The following STRN3 variants were observed in gnomAD, a reference collection of about 807,000 sequenced individuals.
STRN3 encodes striatin 3, also known as striatin-3.
STRN3 carries 29 observed loss-of-function variants against 95.6 expected under a neutral mutation model. The ratio of observed to expected loss-of-function variants is 0.30; its 90% CI spans 0.23 to 0.41. The LOEUF is 0.41. Among genes scored for constraint, STRN3 ranks in the 10% least tolerant of loss-of-function variants. STRN3 has a pLI of 1.00. For missense variants in STRN3, 890 were observed against 972.1 expected, an observed-to-expected ratio of 0.92 and a Z score of 1.12; for synonymous variants, 331 against 357.6, an observed-to-expected ratio of 0.93 and a Z score of 0.84.
chr14:30,974,925 C>A lies in STRN3; in HGVS notation c.283-18683G>T, dbSNP rs577026873. Among the ~76,000 whole-genome samples, 3 of 151,724 alleles carry A rather than the reference C, an allele frequency of 2.0e-5. No individual in the cohort carries two copies. The South Asian group carries it at 6.3e-4, about 32-fold the overall frequency. ...TTGCTTGACACAGAGTTGCCACAAA[C>A]CTTCAAATTGTAAAAAACTCAGTAT... On this transcript the variant is annotated intron_variant, in intron 1 of 17. Transcript: ENST00000357479.
At chr14:30,945,972 AT>A (rs966477745) in intron 5 of STRN3, among the ~76,000 whole-genome samples, 20 of 152,106 alleles carry the variant, frequency 1.3e-4, no homozygotes, top group Non-Finnish European at 2.2e-4. Flanking sequence ...ATTAAATCGT[AT>A]TTTTTTAATG....
At chr14:30,989,439 A>T (rs1333614487) in intron 1 of STRN3, among the ~76,000 whole-genome samples, 2 of 152,138 alleles carry the variant, frequency 1.3e-5, no homozygotes, top group African/African-American at 4.8e-5. Context: ...GCAACAAAAC[A>T]GTCATTTAAA....
At chr14:31,025,451 A>T (rs1386137891) in intron 1 of STRN3, 1 of 144,390 alleles carries the variant, frequency 6.9e-6, no homozygotes, top group Non-Finnish European at 1.4e-5. Context: ...GCCAAATCGG[A>T]AAGGGGGGTG....
chr14:30,992,983 T>C (rs1404269886), intron 1 of STRN3, among the ~76,000 whole-genome samples: 1 of 152,178 alleles, frequency 6.6e-6, no homozygotes, highest in African/African-American at 2.4e-5. Flanking sequence ...TGTGCCATTG[T>C]TCCCAGCTAG....
intron 5 of STRN3, among the ~76,000 whole-genome samples, chr14:30,939,954 T>C (rs1046320234): frequency 4.6e-5 from 7 of 152,160 alleles, no homozygotes; most frequent in Non-Finnish European, 7.4e-5. Flanking sequence ...TATTAGTATG[T>C]CCATGTAAAT....
chr14:30,943,925 A>G (rs1188712673), intron 5 of STRN3, among the ~76,000 whole-genome samples: 1 of 152,076 alleles, frequency 6.6e-6, no homozygotes, highest in African/African-American at 2.4e-5. Context: ...TTCCAGTCAT[A>G]CCAGATGAAA....
At chr14:31,002,166 C>CA (rs757001835) in intron 1 of STRN3, among the ~76,000 whole-genome samples, 2,137 of 19,180 alleles carry the variant, frequency 0.11, 488 homozygotes, top group East Asian at 0.3. Flanking sequence ...AATTCCATCT[C>CA]AAAAAAAAAA....
chr14:31,025,826 TGAGTG>T, intron 1 of STRN3, 73 bp downstream of exon 1: 3 of 1,534,128 alleles, frequency 2.0e-6, no homozygotes, highest in Non-Finnish European at 2.6e-6. Context: ...CGGCTCCGGC[TGAGTG>T]GAGTCCCCAG....
rs1883357044 is a variant in STRN3 at position 31,018,631 on chromosome 14, G to A, written c.282+7273C>T. On this transcript the variant is annotated intron_variant, in intron 1 of 17. Coordinates refer to ENST00000357479, the MANE Select transcript of STRN3 (RefSeq NM_001083893.2). The stretch of plus-strand genomic sequence containing the variant: ...AGCAGACCACAGAGCTCAAAGAAGA[G>A]TGCAAGAACTTTGCGGACAAAACTG... 3 of 496,884 alleles carry A rather than the reference G, an allele frequency of 6.0e-6. No individual in the cohort carries two copies. In the Admixed American group the frequency reaches 6.5e-5, roughly 11 times the overall value. The allele number at this position is 496,884 out of a possible 1,614,324, so 30.8% of individuals were successfully genotyped here.
chr14:30,902,470 A>T, intron 16 of STRN3, 66 bp downstream of exon 16: 1 of 1,122,628 alleles, frequency 8.9e-7, no homozygotes. Flanking sequence ...ATCTTACATA[A>T]AACAGCATTT....
intron 1 of STRN3, among the ~76,000 whole-genome samples, chr14:30,960,895 A>AT (rs1880168304): frequency 3.3e-4 from 49 of 150,596 alleles, no homozygotes; most frequent in Non-Finnish European, 4.7e-4. Context: ...AAAAAATAGA[A>AT]AGAAAAGAAA....
intron 8 of STRN3, among the ~76,000 whole-genome samples, chr14:30,927,867 A>C (rs903132204): frequency 1.4e-5 from 2 of 138,418 alleles, no homozygotes; most frequent in African/African-American, 5.4e-5. Flanking sequence ...CGGGAGGCAG[A>C]GGTTGCAGTG....
chr14:30,924,260 C>T (rs1208071067), intron 8 of STRN3, among the ~76,000 whole-genome samples: 1 of 143,834 alleles, frequency 7.0e-6, no homozygotes, highest in Non-Finnish European at 1.5e-5. Flanking sequence ...AAAAACATGG[C>T]CAGGTACAAT....
chr14:31,015,135 A>G (rs1883181484), intron 1 of STRN3, among the ~76,000 whole-genome samples: 2 of 152,064 alleles, frequency 1.3e-5, no homozygotes, highest in African/African-American at 2.4e-5. Context: ...CCAGCCTCAC[A>G]CCCACTTTTA....
At chr14:30,991,159 T>G (rs949159561) in intron 1 of STRN3, among the ~76,000 whole-genome samples, 1 of 152,214 alleles carries the variant, frequency 6.6e-6, no homozygotes, top group African/African-American at 2.4e-5. Context: ...ACCATTTGGT[T>G]TGAAGTTCCT....
Position 30,995,038 on chromosome 14 carries a change from T to A in STRN3, c.282+30866A>T, listed in dbSNP as rs527826174. On this transcript the variant is annotated intron_variant, in intron 1 of 17. Coordinates refer to ENST00000357479, the MANE Select transcript of STRN3 (RefSeq NM_001083893.2). ...TATGTTTAAGATAAAATACTAAATG[T>A]TTAAGTGCCAGAGCACTTTCAGATC... Among the ~76,000 whole-genome samples, 8 of 152,342 alleles carry A rather than the reference T, an allele frequency of 5.3e-5. No homozygotes were observed. The East Asian group carries it at 1.5e-3, about 29-fold the overall frequency.
At chr14:30,897,351 G>A (rs1223600214) in intron 16 of STRN3, among the ~76,000 whole-genome samples, 1 of 152,316 alleles carries the variant, frequency 6.6e-6, no homozygotes, top group African/African-American at 2.4e-5. Context: ...TTGGGAGGCT[G>A]AAGCGGGCAG....
chr14:30,928,159 A>G (rs924272750), intron 8 of STRN3, among the ~76,000 whole-genome samples: 1 of 152,166 alleles, frequency 6.6e-6, no homozygotes, highest in African/African-American at 2.4e-5. Flanking sequence ...AAGCTATCAT[A>G]AAGTTAGAAA....
chr14:30,968,304 A>G (rs182792829), intron 1 of STRN3, among the ~76,000 whole-genome samples: 86 of 152,004 alleles, frequency 5.7e-4, no homozygotes, highest in Non-Finnish European at 8.1e-4. Flanking sequence ...AAAAAAAGAA[A>G]AAAGAAATTG....
Sources: gnomAD v4.1 joint callset for allele counts (sites outside exome capture counted in the v4.1 genomes callset) on GRCh38, gnomAD v4.1.1 for gene constraint, MANE v1.5 for transcripts, NCBI Gene and HGNC (gene_info 2026-07-23, HGNC 2026-07-21) for gene names.